AGBL1: variants seen among roughly 807,000 people sequenced by gnomAD.
AGBL1 encodes the protein cytosolic carboxypeptidase 4.
A neutral mutation model predicts 118.9 loss-of-function variants in AGBL1; 130 were observed. That is an observed-to-expected ratio of 1.09 (90% CI 0.95 to 1.26). The LOEUF is 1.26. AGBL1 is among the 50% of genes most tolerant of loss of function. The pLI is 0.00. For missense variants in AGBL1, 1,584 were observed against 1,298.1 expected, an observed-to-expected ratio of 1.22 and a Z score of -3.38; for synonymous variants, 555 against 478.9, an observed-to-expected ratio of 1.16 and a Z score of -2.08.
intron 21 of AGBL1, among the ~76,000 whole-genome samples, chr15:86,663,116 A>T (rs2085575760): frequency 6.6e-6 from 1 of 152,104 alleles, no homozygotes; most frequent in South Asian, 2.1e-4. Context: ...CCTATGGGTT[A>T]ATGGCCCCTG....
chr15:86,086,685 G>A (rs937617474), intron 1 of AGBL1, among the ~76,000 whole-genome samples: 1 of 152,036 alleles, frequency 6.6e-6, no homozygotes, highest in African/African-American at 2.4e-5. Flanking sequence ...CATCTATGGA[G>A]TAACCTACAG....
At chr15:86,847,915 G>C (rs2079341559) in intron 22 of AGBL1, among the ~76,000 whole-genome samples, 1 of 152,166 alleles carries the variant, frequency 6.6e-6, no homozygotes, top group Non-Finnish European at 1.5e-5. Context: ...CTGGTCTGCT[G>C]CTTTATTGCT....
intron 18 of AGBL1, among the ~76,000 whole-genome samples, chr15:86,399,034 G>A (rs1218686494): frequency 3.9e-5 from 6 of 152,110 alleles, no homozygotes; most frequent in Admixed American, 3.9e-4. Flanking sequence ...GGCAGAGAAT[G>A]TTGGGCAGAG....
chr15:86,462,002 G>A (rs939404452), intron 18 of AGBL1, among the ~76,000 whole-genome samples: 15 of 152,140 alleles, frequency 9.9e-5, no homozygotes, highest in African/African-American at 3.6e-4. Context: ...TCTTAGCTCT[G>A]TGGTATTCCT....
chr15:86,989,723 C>T (rs1409935143), intron 24 of AGBL1, among the ~76,000 whole-genome samples: 1 of 151,950 alleles, frequency 6.6e-6, no homozygotes, highest in Non-Finnish European at 1.5e-5. Flanking sequence ...AAAAATGGAA[C>T]AAGATAGAGA....
At chr15:86,391,994 G>A (rs2081294614) in intron 17 of AGBL1, among the ~76,000 whole-genome samples, 1 of 151,808 alleles carries the variant, frequency 6.6e-6, no homozygotes, top group Non-Finnish European at 1.5e-5. Context: ...CTTCTCCTGT[G>A]GTGCCTTAGT....
intron 17 of AGBL1, among the ~76,000 whole-genome samples, chr15:86,298,250 T>TAC (rs1281943191): frequency 2.9e-5 from 1 of 34,696 alleles, no homozygotes; most frequent in Non-Finnish European, 6.1e-5. Context: ...GTGTATAATA[T>TAC]ATATATATAT....
In AGBL1 at chr15:86,215,224, C is replaced by CGTGTGT. The variant is rs1555449552; in HGVS notation, c.489-9654_489-9649dup. Reference sequence around the variant, plus strand: ...GTGTGTGTGTGAGTGTATATGTATGCGTGTGTGTGTGTGTGTGTGTGTGTG... The same window carrying CGTGTGT: ...GTGTGTGTGTGAGTGTATATGTATGCGTGTGTGTGTGTGTGTGTGTGTGTGTGTGTG... On this transcript the variant is annotated intron_variant, in intron 5 of 22. Coordinates refer to ENST00000614907, the MANE Select transcript of AGBL1 (RefSeq NM_001386094.1). Among the ~76,000 whole-genome samples, 172 of 114,466 alleles carry CGTGTGT rather than the reference C, an allele frequency of 1.5e-3. 1 individual carries two copies. The highest frequency in any genetic ancestry group is 2.2e-3 in the Admixed American group (20 of 9,024). 75.1% of individuals were successfully genotyped at this position (114,466 alleles called of 152,430 possible).
intron 22 of AGBL1, among the ~76,000 whole-genome samples, chr15:86,839,917 C>A (rs2079221781): frequency 6.6e-6 from 1 of 152,196 alleles, no homozygotes; most frequent in Non-Finnish European, 1.5e-5. Flanking sequence ...CAAATCCTAA[C>A]TCAGACTTCT....
Position 86,816,096 on chromosome 15 carries a change from T to A in AGBL1, c.3159-90991T>A, listed in dbSNP as rs1161272408. Among the ~76,000 whole-genome samples the A allele has an allele frequency of 2.6e-5, 4 of 152,066 alleles. No homozygotes were observed. In the South Asian group the frequency reaches 6.2e-4, roughly 24 times the overall value. On this transcript the variant is annotated intron_variant, in intron 22 of 22. Coordinates refer to ENST00000614907, the MANE Select transcript of AGBL1 (RefSeq NM_001386094.1). ...CAGGAAGATGGATAAGACGTGTCAG[T>A]TAAAACCGTAAAAAGAATGATGTCT...
intron 7 of AGBL1, 112 bp downstream of exon 7, chr15:86,247,991 G>A (rs898631246): frequency 8.9e-6 from 12 of 1,355,348 alleles, no homozygotes; most frequent in African/African-American, 4.3e-5. Context: ...TCTATTTCTT[G>A]TTGCCTGCTA....
chr15:86,488,718 A>G (rs777248204), intron 18 of AGBL1, among the ~76,000 whole-genome samples: 1 of 151,998 alleles, frequency 6.6e-6, no homozygotes. Context: ...CCTTGCTTCA[A>G]ACAGCTCCTA....
chr15:86,602,099 C>T (rs1057039663), intron 21 of AGBL1, among the ~76,000 whole-genome samples: 13 of 151,952 alleles, frequency 8.6e-5, no homozygotes, highest in African/African-American at 3.1e-4. Context: ...TTCTTCTTCC[C>T]TCTCTTCTTT....
chr15:86,977,865 A>C (rs2081191051), intron 23 of AGBL1, among the ~76,000 whole-genome samples: 1 of 152,116 alleles, frequency 6.6e-6, no homozygotes, highest in East Asian at 1.9e-4. Context: ...TTTCAAATTT[A>C]AGGGGAATGC....
chr15:86,655,275 C>T (rs1395005855), intron 21 of AGBL1, among the ~76,000 whole-genome samples: 2 of 152,166 alleles, frequency 1.3e-5, no homozygotes. Context: ...CTTGCCTTCC[C>T]ATTGTTCCCC....
At chr15:86,445,639 C>T (rs994913725) in intron 18 of AGBL1, among the ~76,000 whole-genome samples, 1 of 152,222 alleles carries the variant, frequency 6.6e-6, no homozygotes, top group Admixed American at 6.5e-5. Flanking sequence ...TCTAGACCTA[C>T]CTTCCCTTTT....
At chr15:86,359,552 G>A (rs1441960158) in intron 17 of AGBL1, among the ~76,000 whole-genome samples, 1 of 150,196 alleles carries the variant, frequency 6.7e-6, no homozygotes, top group Non-Finnish European at 1.5e-5. Context: ...ATCAGTTTTA[G>A]GACAATTTTT....
intron 18 of AGBL1, among the ~76,000 whole-genome samples, chr15:86,473,976 A>T (rs17674220): frequency 1.3e-5 from 2 of 151,938 alleles, no homozygotes; most frequent in African/African-American, 2.4e-5. Context: ...TCTGAATTTC[A>T]TAAGAATGAA....
At chr15:86,736,331 G>C (rs2077598571) in intron 22 of AGBL1, among the ~76,000 whole-genome samples, 1 of 151,836 alleles carries the variant, frequency 6.6e-6, no homozygotes, top group Non-Finnish European at 1.5e-5. Flanking sequence ...AGTGAGCTGA[G>C]ATCGTGCCAC....
Sources: allele counts gnomAD v4.1 joint callset (sites outside exome capture counted in the v4.1 genomes callset), GRCh38; gene constraint gnomAD v4.1.1; transcripts MANE v1.5; gene names NCBI Gene and HGNC (gene_info 2026-07-23, HGNC 2026-07-21).